The following PKP4 variants were observed in gnomAD, a reference collection of about 807,000 sequenced individuals.
The protein encoded by PKP4 is plakophilin 4.
PKP4 carries 90 observed loss-of-function variants against 145.1 expected under a neutral mutation model. The observed-to-expected ratio is 0.62, with a 90% confidence interval of 0.52 to 0.74. The LOEUF is 0.74. Ranked by LOEUF, PKP4 falls within the 30% of genes least tolerant of loss-of-function variation. PKP4 has a pLI of 0.00. For synonymous variants in PKP4, 563 were observed against 577.2 expected (o/e 0.98, Z 0.35); for missense variants, 1,340 against 1,482.7 (o/e 0.90, Z 1.58).
At chr2:158,482,845 G>T (rs1035240257) in intron 1 of PKP4, among the ~76,000 whole-genome samples, 1 of 151,946 alleles carries the variant, frequency 6.6e-6, no homozygotes, top group Admixed American at 6.6e-5. Context: ...AAAAAAGAGG[G>T]GGGAAGGGAG....
At chr2:158,556,523 CTT>C (rs11378372) in intron 2 of PKP4, among the ~76,000 whole-genome samples, 35 of 144,300 alleles carry the variant, frequency 2.4e-4, no homozygotes, top group Non-Finnish European at 1.8e-4. Context: ...CTCTTTCTCT[CTT>C]TTTTTTTTTT....
intron 13 of PKP4, 22 bp from the exon 14 acceptor site, chr2:158,662,875 T>A: frequency 1.3e-6 from 2 of 1,576,534 alleles, no homozygotes; most frequent in Non-Finnish European, 8.6e-7. Flanking sequence ...TGTTTTTAAT[T>A]ATACGCCATG....
chr2:158,545,070 T>C (rs2044863428), intron 2 of PKP4, among the ~76,000 whole-genome samples: 3 of 130,050 alleles, frequency 2.3e-5, no homozygotes, highest in African/African-American at 5.8e-5. Flanking sequence ...CCTAAGTCTT[T>C]CACTTTTTTT....
At chr2:158,536,954 C>T (rs973659208) in intron 2 of PKP4, among the ~76,000 whole-genome samples, 12 of 152,148 alleles carry the variant, frequency 7.9e-5, no homozygotes, top group African/African-American at 7.2e-5. Context: ...AGGATAGAGC[C>T]GTGTTTTAGG....
intron 2 of PKP4, among the ~76,000 whole-genome samples, chr2:158,553,998 A>G (rs2045853823): frequency 6.6e-6 from 1 of 152,156 alleles, no homozygotes; most frequent in South Asian, 2.1e-4. Flanking sequence ...TATTTGGGAC[A>G]TGGGACAGAC....
At chr2:158,638,537 T>C (rs2054002626) in intron 9 of PKP4, among the ~76,000 whole-genome samples, 1 of 152,128 alleles carries the variant, frequency 6.6e-6, no homozygotes, top group African/African-American at 2.4e-5. Context: ...TGGCTGTTAG[T>C]GACATCACCC....
intron 4 of PKP4, among the ~76,000 whole-genome samples, chr2:158,605,187 C>T (rs1024377690): frequency 1.3e-5 from 2 of 152,090 alleles, no homozygotes; most frequent in African/African-American, 4.8e-5. Flanking sequence ...CATACATGAA[C>T]GAATAGTAAA....
intron 3 of PKP4, among the ~76,000 whole-genome samples, chr2:158,596,393 A>G (rs549349255): frequency 1.1e-4 from 16 of 152,316 alleles, no homozygotes; most frequent in African/African-American, 2.9e-4. Context: ...ATCAGAGCTC[A>G]AAATGGTAAA....
At chr2:158,618,528 AT>A (rs1253541220) in intron 4 of PKP4, among the ~76,000 whole-genome samples, 1 of 152,168 alleles carries the variant, frequency 6.6e-6, no homozygotes, top group Non-Finnish European at 1.5e-5. Context: ...TGAGATACTA[AT>A]TTCGTGAAGT....
intron 1 of PKP4, among the ~76,000 whole-genome samples, chr2:158,520,937 G>C (rs946197099): frequency 2.0e-5 from 3 of 152,210 alleles, no homozygotes; most frequent in African/African-American, 7.2e-5. Context: ...ATTGCTGAAA[G>C]TGAAACACAT....
At chr2:158,634,957 TAAA>T (rs1230374573) in intron 9 of PKP4, among the ~76,000 whole-genome samples, 1 of 152,240 alleles carries the variant, frequency 6.6e-6, no homozygotes. Flanking sequence ...ACCTTGTCCT[TAAA>T]GCCATTTAAA....
Position 158,511,366 on chromosome 2 carries a change from G to A in PKP4, c.-5-21814G>A, listed in dbSNP as rs758865655. Among the ~76,000 whole-genome samples the A allele has an allele frequency of 4.6e-5, 7 of 151,986 alleles. 1 individual carries two copies. The highest frequency in any genetic ancestry group is 4.2e-4 in the South Asian group (2 of 4,816). ...GCGCCACTGTACTCCAGCCTCGGGG[G>A]GAGAGTGAAATTCTGTCTCAAAAAA... On this transcript the variant is annotated intron_variant, in intron 1 of 21. Transcript: ENST00000389759.
At chr2:158,522,798 G>A (rs2042515659) in intron 1 of PKP4, among the ~76,000 whole-genome samples, 1 of 152,236 alleles carries the variant, frequency 6.6e-6, no homozygotes. Flanking sequence ...CCAAAGCAGG[G>A]CGAGGCATTG....
chr2:158,630,033 A>G (rs778593668), intron 7 of PKP4, among the ~76,000 whole-genome samples: 8 of 152,138 alleles, frequency 5.3e-5, no homozygotes, highest in South Asian at 2.1e-4. Flanking sequence ...TGCCTGGCCA[A>G]TCTTACCTTT....
At chr2:158,642,742 A>G in intron 11 of PKP4, 43 bp downstream of exon 11, 1 of 1,444,034 alleles carries the variant, frequency 6.9e-7, no homozygotes, top group Non-Finnish European at 9.5e-7. Context: ...AATGTTGAAA[A>G]CAGTCTGGAC....
intron 3 of PKP4, among the ~76,000 whole-genome samples, chr2:158,580,881 G>A (rs932594484): frequency 7.2e-5 from 11 of 152,166 alleles, no homozygotes; most frequent in Non-Finnish European, 1.5e-4. Flanking sequence ...TCCCTCATCT[G>A]AATTCCCATC....
intron 2 of PKP4, among the ~76,000 whole-genome samples, chr2:158,544,863 C>T (rs1340911020): frequency 6.6e-6 from 1 of 152,114 alleles, no homozygotes; most frequent in African/African-American, 2.4e-5. Flanking sequence ...AGAGCAGTAG[C>T]CATGAAGTGA....
intron 4 of PKP4, among the ~76,000 whole-genome samples, chr2:158,606,420 G>A (rs993116418): frequency 5.9e-5 from 9 of 151,684 alleles, no homozygotes; most frequent in African/African-American, 1.5e-4. Flanking sequence ...TATTATAGCC[G>A]TCCTAGTGGG....
intron 8 of PKP4, 73 bp downstream of exon 8, chr2:158,632,014 G>T (rs1417828619): frequency 7.2e-6 from 10 of 1,383,102 alleles, no homozygotes; most frequent in African/African-American, 1.4e-5. Context: ...TTGAGATTGG[G>T]TTCCCTGTTA....
Sources: allele counts gnomAD v4.1 joint callset (sites outside exome capture counted in the v4.1 genomes callset), GRCh38; gene constraint gnomAD v4.1.1; transcripts MANE v1.5; gene names NCBI Gene and HGNC (gene_info 2026-07-23, HGNC 2026-07-21).